Variants in GNA14 observed in about 807,000 individuals in gnomAD.
The protein encoded by GNA14 is guanine nucleotide-binding protein subunit alpha-14.
Under a neutral mutation model 42.0 loss-of-function variants are expected in GNA14, and 50 were observed. That is an observed-to-expected ratio of 1.19 (90% CI 0.95 to 1.51). The LOEUF (loss-of-function observed/expected upper bound fraction) is 1.51. GNA14 is among the 40% of genes most tolerant of loss of function. The pLI is 0.00. For missense variants in GNA14, 473 were observed against 446.2 expected (o/e 1.06, Z -0.54); for synonymous variants, 173 against 163.1 (o/e 1.06, Z -0.46).
At chr9:77,579,584 C>T (rs1564058339) in intron 1 of GNA14, among the ~76,000 whole-genome samples, 1 of 152,186 alleles carries the variant, frequency 6.6e-6, no homozygotes, top group Non-Finnish European at 1.5e-5. Flanking sequence ...TTGGGCTTTT[C>T]ACAGACCCAT....
intron 6 of GNA14, 72 bp downstream of exon 6, chr9:77,425,490 T>C: frequency 8.6e-7 from 1 of 1,161,376 alleles, no homozygotes; most frequent in Non-Finnish European, 1.2e-6. Flanking sequence ...TGAGCCGTGA[T>C]AACTCTAGAC....
chr9:77,484,920 T>C (rs1364183887), intron 2 of GNA14, among the ~76,000 whole-genome samples: 6 of 146,756 alleles, frequency 4.1e-5, no homozygotes, highest in Non-Finnish European at 6.0e-5. Flanking sequence ...TTTTTAAAAA[T>C]GCTAATGATC....
intron 1 of GNA14, among the ~76,000 whole-genome samples, chr9:77,641,156 GGAAGGAAGGAAGGAAGGA>G (rs1824260990): frequency 7.7e-6 from 1 of 129,398 alleles, no homozygotes; most frequent in East Asian, 2.8e-4. Flanking sequence ...AAGGAAGGAA[GGAAGGAAGGAAGGAAGGA>G]AGGGCAAAGG....
chr9:77,634,449 G>A (rs996943561), intron 1 of GNA14, among the ~76,000 whole-genome samples: 2 of 145,818 alleles, frequency 1.4e-5, no homozygotes, highest in Admixed American at 6.9e-5. Flanking sequence ...GGAAGGAAGC[G>A]AAAGGAAAGG....
chr9:77,531,428 A>G (rs1249917460), intron 1 of GNA14, among the ~76,000 whole-genome samples: 1 of 152,166 alleles, frequency 6.6e-6, no homozygotes, highest in Non-Finnish European at 1.5e-5. Context: ...AAGACCTTAT[A>G]CTGTCCAAGC....
chr9:77,589,026 AT>A (rs1304219869), intron 1 of GNA14, among the ~76,000 whole-genome samples: 1 of 152,244 alleles, frequency 6.6e-6, no homozygotes, highest in African/African-American at 2.4e-5. Flanking sequence ...ATTCAAAGCC[AT>A]CTTTATTTAT....
chr9:77,568,643 G>A (rs1248345217), intron 1 of GNA14, among the ~76,000 whole-genome samples: 4 of 152,196 alleles, frequency 2.6e-5, no homozygotes, highest in South Asian at 2.1e-4. Flanking sequence ...TGGTGGGGAC[G>A]GCAGAGCCCC....
At chr9:77,479,229 C>T (rs1836495664) in intron 2 of GNA14, among the ~76,000 whole-genome samples, 1 of 152,202 alleles carries the variant, frequency 6.6e-6, no homozygotes. Flanking sequence ...CCAGTTTCAG[C>T]TTTCTACATA....
intron 1 of GNA14, among the ~76,000 whole-genome samples, chr9:77,531,324 A>T (rs545385123): frequency 4.1e-4 from 63 of 152,312 alleles, no homozygotes; most frequent in African/African-American, 1.4e-3. Flanking sequence ...TTGAACAAGG[A>T]TAAACTGTGA....
chr9:77,566,130 C>A (rs1587832150), intron 1 of GNA14, among the ~76,000 whole-genome samples: 1 of 146,726 alleles, frequency 6.8e-6, no homozygotes, highest in South Asian at 2.2e-4. Context: ...TCCTTGTCCA[C>A]AAGTGGGAGT....
At chr9:77,502,243 TCAGACAATACTAA>T (rs980194633) in intron 2 of GNA14, among the ~76,000 whole-genome samples, 24 of 152,342 alleles carry the variant, frequency 1.6e-4, no homozygotes, top group African/African-American at 5.8e-4. Context: ...AAAATCTTTG[TCAGACAATACTAA>T]CATCCCTGCC....
chr9:77,603,462 ATT>A (rs1276954533), intron 1 of GNA14, among the ~76,000 whole-genome samples: 1 of 152,166 alleles, frequency 6.6e-6, no homozygotes, highest in Non-Finnish European at 1.5e-5. Flanking sequence ...AACAATGCAT[ATT>A]TGTGTAACAA....
Position 77,647,897 on chromosome 9 carries a change from A to C in GNA14, c.-104T>G, listed in dbSNP as rs1824386622. The stretch of plus-strand genomic sequence containing the variant: ...GCATGCGACGGGCACAGGGGTGTGG[A>C]AAGAAAAGACGGGGGCCGACTTGAG... On this transcript the variant is annotated 5_prime_UTR_variant, in exon 1 of 7. Coordinates refer to ENST00000341700, the MANE Select transcript of GNA14 (RefSeq NM_004297.4). The C allele has an allele frequency of 7.3e-7, 1 of 1,375,964 alleles. No individual in the cohort carries two copies. Among genetic ancestry groups the C allele is most frequent in the Non-Finnish European group, 9.8e-7 (1 of 1,020,410 alleles). 85.2% of individuals were successfully genotyped at this position (1,375,964 alleles called of 1,614,324 possible). A position where few individuals can be genotyped will look rare whatever the true frequency, so the allele number is the denominator to read the frequency against.
At chr9:77,424,288 T>C in intron 6 of GNA14, 119 bp from the exon 7 acceptor site, 2 of 608,692 alleles carry the variant, frequency 3.3e-6, no homozygotes, top group Non-Finnish European at 2.8e-6. Flanking sequence ...AGTGGCACGG[T>C]CTCAGCTCAC....
At position 77,618,605 on chromosome 9, in the gene GNA14, TATATATA is replaced by T. The variant is rs1564067804; in HGVS notation, c.124+29058_124+29064del. On this transcript the variant is annotated intron_variant, in intron 1 of 6. Transcript: ENST00000341700. ...GAATATATATATATATATATATATA[TATATATA>T]TATATATATTTTTTTTTTTTTTTTT... 4.7e-3 allele frequency among the ~76,000 whole-genome samples: 63 copies of T among 13,404 alleles called. 2 individuals are homozygous for T. The highest frequency in any genetic ancestry group is 0.014 in the African/African-American group (61 of 4,212). The allele number at this position is 13,404 out of a possible 152,430, so 8.8% of individuals were successfully genotyped here. A position where few individuals can be genotyped will look rare whatever the true frequency, so the allele number is the denominator to read the frequency against.
intron 1 of GNA14, among the ~76,000 whole-genome samples, chr9:77,597,736 C>T (rs1202445348): frequency 2.0e-5 from 3 of 151,852 alleles, no homozygotes; most frequent in Admixed American, 6.6e-5. Context: ...TAAAACTCTC[C>T]CATAAAATTT....
chr9:77,477,859 G>A (rs1836459111), intron 2 of GNA14, among the ~76,000 whole-genome samples: 1 of 151,956 alleles, frequency 6.6e-6, no homozygotes. Flanking sequence ...TCAAAAGACA[G>A]GTGAGGAAAA....
At chr9:77,457,161 TG>T (rs1373871516) in intron 2 of GNA14, among the ~76,000 whole-genome samples, 2 of 152,194 alleles carry the variant, frequency 1.3e-5, no homozygotes, top group Non-Finnish European at 2.9e-5. Flanking sequence ...AGAGCTAATA[TG>T]AAGGTAAGAA....
intron 2 of GNA14, among the ~76,000 whole-genome samples, chr9:77,514,879 CT>C (rs1168193441): frequency 2.0e-5 from 3 of 152,158 alleles, no homozygotes; most frequent in African/African-American, 7.2e-5. Context: ...TCCCAAAGTG[CT>C]GGGATTACAG....
Sources: allele counts gnomAD v4.1 joint callset (sites outside exome capture counted in the v4.1 genomes callset), GRCh38; gene constraint gnomAD v4.1.1; transcripts MANE v1.5; gene names NCBI Gene and HGNC (gene_info 2026-07-23, HGNC 2026-07-21).